APOL3: variants seen among roughly 807,000 people sequenced by gnomAD.
The protein encoded by APOL3 is TNF-inducible protein CG12-1.
A neutral mutation model predicts 11.6 loss-of-function variants in APOL3; 14 were observed. The observed-to-expected ratio is 1.21, with a 90% CI of 0.80 to 1.89. APOL3 has a LOEUF of 1.89. Among genes scored for constraint, APOL3 ranks in the 40% most tolerant of loss-of-function variants. The pLI is 0.00. For synonymous variants in APOL3, 192 were observed against 190.6 expected, an observed-to-expected ratio of 1.01 and a Z score of -0.06; for missense variants, 483 against 492.1, an observed-to-expected ratio of 0.98 and a Z score of 0.17.
chr22:36,159,555 A>T (rs2013450829), intron 1 of APOL3: 1 of 152,194 alleles, frequency 6.6e-6, no homozygotes, highest in Admixed American at 6.5e-5. Flanking sequence ...TTTTAATCTC[A>T]TGATTGTCAA....
chr22:36,141,044 C>G, exon 3 of APOL3: 1 of 1,122,156 alleles, frequency 8.9e-7, no homozygotes, highest in South Asian at 1.5e-5. Context: ...CTGCATTAAC[C>G]CCTCCCCTGC....
chr22:36,164,414 G>A (rs1353264745), upstream of APOL3, among the ~76,000 whole-genome samples: 1 of 152,164 alleles, frequency 6.6e-6, no homozygotes, highest in Non-Finnish European at 1.5e-5. Context: ...CCGAGGACCT[G>A]TCGTCTATCT....
intron 1 of APOL3, chr22:36,153,500 T>C (rs1309625569): frequency 1.2e-5 from 5 of 430,472 alleles, no homozygotes; most frequent in Admixed American, 2.5e-5. Context: ...TGAACTCCTA[T>C]CTTGAATCAG....
exon 3 of APOL3, chr22:36,141,892 G>C: frequency 6.2e-7 from 1 of 1,614,210 alleles, no homozygotes; most frequent in Non-Finnish European, 8.5e-7. Flanking sequence ...CCATTTGCAA[G>C]GGCACGAAGC....
intron 1 of APOL3, chr22:36,149,490 G>T (rs2060349435): frequency 2.2e-6 from 2 of 909,068 alleles, no homozygotes; most frequent in Non-Finnish European, 3.1e-6. Flanking sequence ...AATGACCTGG[G>T]CCTGGCAACA....
rs957273598 is a variant in APOL3 at position 36,153,375 on chromosome 22, T to G, written c.223+7294A>C. On this transcript the variant is annotated intron_variant, in intron 1 of 2. Transcript: ENST00000349314. The stretch of plus-strand genomic sequence containing the variant: ...AAAGAGAAATACACCTGCCTCCTGA[T>G]GGGAGAAATGTCAGCTTCAGAGAAA... 8.8e-6 allele frequency: 4 copies of G among 455,986 alleles called. No individual in the cohort carries two copies. In the Admixed American group the frequency reaches 9.4e-5, roughly 11 times the overall value. The allele number at this position is 455,986 out of a possible 1,614,324, so 28.2% of individuals were successfully genotyped here.
chr22:36,150,323 AGG>A (rs1177747168), intron 1 of APOL3, among the ~76,000 whole-genome samples: 1 of 152,208 alleles, frequency 6.6e-6, no homozygotes, highest in Non-Finnish European at 1.5e-5. Context: ...AATGAGAAAT[AGG>A]GGTGAACATT....
At chr22:36,154,927 G>A (rs115598831) in intron 1 of APOL3, among the ~76,000 whole-genome samples, 1,750 of 152,230 alleles carry the variant, frequency 0.011, 28 homozygotes, top group African/African-American at 0.04. Flanking sequence ...TCCAGAGTGG[G>A]CTCCATTTCA....
chr22:36,141,924 T>C (rs1172094798), exon 3 of APOL3: 4 of 1,614,126 alleles, frequency 2.5e-6, no homozygotes, highest in Non-Finnish European at 3.4e-6. Context: ...CTCCTGGATC[T>C]TCCTCTTGAC....
intron 1 of APOL3, among the ~76,000 whole-genome samples, chr22:36,154,898 C>A (rs1000438566): frequency 3.9e-5 from 6 of 152,206 alleles, no homozygotes. Context: ...ACTTGCCCCC[C>A]ACTTTCTGCA....
intron 1 of APOL3, chr22:36,149,355 G>C (rs749546314): frequency 1.3e-5 from 17 of 1,306,344 alleles, no homozygotes; most frequent in Middle Eastern, 4.2e-4. Context: ...CTCACACCAA[G>C]GCAGGGTCCT....
At chr22:36,151,390 T>C (rs1423056886) in intron 1 of APOL3, among the ~76,000 whole-genome samples, 7 of 152,014 alleles carry the variant, frequency 4.6e-5, no homozygotes, top group Non-Finnish European at 1.0e-4. Context: ...TTTTAAAAAC[T>C]CAAACCCATG....
intron 1 of APOL3, 26 bp from the exon 2 acceptor site, chr22:36,149,168 G>A (rs533719409): frequency 7.4e-7 from 1 of 1,352,954 alleles, no homozygotes; most frequent in South Asian, 1.2e-5. Flanking sequence ...GCAAATTGTG[G>A]GACTGAATGT....
chr22:36,157,071 G>T (rs2013001152), intron 1 of APOL3: 2 of 454,078 alleles, frequency 4.4e-6, no homozygotes, highest in Non-Finnish European at 8.9e-6. Flanking sequence ...GCTCTATCAG[G>T]TTTCTGAGTT....
upstream of APOL3, among the ~76,000 whole-genome samples, chr22:36,161,147 G>A (rs994447015): frequency 6.6e-6 from 1 of 152,128 alleles, no homozygotes; most frequent in Non-Finnish European, 1.5e-5. Flanking sequence ...CACATGCCGG[G>A]TGGACGCTTA....
At chr22:36,148,415 C>T (rs2060296779) in intron 1 of APOL3, among the ~76,000 whole-genome samples, 1 of 152,242 alleles carries the variant, frequency 6.6e-6, no homozygotes, top group African/African-American at 2.4e-5. Context: ...GCCAGGTACC[C>T]ATGTACTATT....
At chr22:36,160,015 G>C (rs2013530269) in intron 1 of APOL3, among the ~76,000 whole-genome samples, 1 of 152,074 alleles carries the variant, frequency 6.6e-6, no homozygotes, top group Non-Finnish European at 1.5e-5. Context: ...CCAAGTAGCT[G>C]GGATTACTGG....
chr22:36,145,657 T>G, intron 1 of APOL3, 58 bp from the exon 3 acceptor site: 2 of 1,597,572 alleles, frequency 1.3e-6, no homozygotes, highest in Non-Finnish European at 1.7e-6. Context: ...CTAAATGGCA[T>G]TGAGAATAAG....
At chr22:36,149,266 G>A (rs552920953) in intron 1 of APOL3, 124 bp from the exon 2 acceptor site, 92 of 1,305,354 alleles carry the variant, frequency 7.0e-5, no homozygotes, top group Non-Finnish European at 8.8e-5. Context: ...AACCTAGCCC[G>A]GTGTTTTTTA....
Sources: gnomAD v4.1 joint callset for allele counts (sites outside exome capture counted in the v4.1 genomes callset) on GRCh38, gnomAD v4.1.1 for gene constraint, MANE v1.5 for transcripts, NCBI Gene and HGNC (gene_info 2026-07-23, HGNC 2026-07-21) for gene names.